Variants in MDN1 observed in about 807,000 individuals in gnomAD.
The protein encoded by MDN1 is midasin.
A neutral mutation model predicts 669.2 loss-of-function variants in MDN1; 266 were observed. The ratio of observed to expected loss-of-function variants is 0.40; its 90% CI spans 0.36 to 0.44. MDN1 has a LOEUF of 0.44. Ranked by LOEUF, MDN1 falls within the 20% of genes least tolerant of loss-of-function variation. MDN1 has a pLI of 1.00. For missense variants in MDN1, 5,940 were observed against 6,754.0 expected, an observed-to-expected ratio of 0.88 and a Z score of 4.22; for synonymous variants, 2,385 against 2,457.1, an observed-to-expected ratio of 0.97 and a Z score of 0.87.
chr6:89,648,472 G>C (rs558996304), intron 97 of MDN1, 143 bp from the exon 98 acceptor site: 4 of 716,006 alleles, frequency 5.6e-6, no homozygotes, highest in South Asian at 5.3e-5. Context: ...GGCTACTATA[G>C]TCACAACAAA....
intron 85 of MDN1, among the ~76,000 whole-genome samples, chr6:89,663,730 C>T (rs1251057257): frequency 2.6e-5 from 4 of 151,502 alleles, no homozygotes; most frequent in African/African-American, 7.3e-5. Context: ...GTCAGGAGAT[C>T]GAGACCATCC....
chr6:89,747,360 C>G lies in MDN1; in HGVS notation c.3873G>C (p.Glu1291Asp), dbSNP rs770374873. Residue 1291 changes from glutamate (E) to aspartate (D), a missense_variant, in exon 27 of 102, where the codon GAG becomes GAC. This residue lies in a region of MDN1 where 2,292 missense variants were observed against 2,638.3 expected (regional missense o/e 0.87). Transcript: ENST00000369393. The stretch of plus-strand genomic sequence containing the variant: ...TGGCTAAATGCTGTAGCCAGTCATA[C>G]TCCTTCTCGGTCGGCTCAGCCAATC... ...RYRLAEPTEKEYDWLQHLAND... is the reference protein window; with the variant it reads ...RYRLAEPTEKDYDWLQHLAND... 3 of 1,614,004 alleles carry G rather than the reference C, an allele frequency of 1.9e-6. No individual in the cohort carries two copies. Among genetic ancestry groups the G allele is most frequent in the Non-Finnish European group, 2.5e-6 (3 of 1,180,022 alleles).
At chr6:89,646,660 T>A in intron 99 of MDN1, 57 bp from the exon 100 acceptor site, 4 of 1,395,026 alleles carry the variant, frequency 2.9e-6, no homozygotes, top group Non-Finnish European at 4.1e-6. Flanking sequence ...CTTCTCATTG[T>A]CAAAGAGACT....
Position 89,650,187 on chromosome 6 carries a change from C to T in MDN1, c.16043G>A (p.Arg5348Gln), listed in dbSNP as rs1401577967. 12 of 1,613,808 alleles carry T rather than the reference C, an allele frequency of 7.4e-6. No homozygotes were observed. In the East Asian group the frequency reaches 1.3e-4, roughly 18 times the overall value. Residue 5348 changes from arginine (R) to glutamine (Q), a missense_variant, in exon 97 of 102, where the codon CGA becomes CAA. This residue lies in a region of MDN1 where 2,280 missense variants were observed against 2,576.3 expected (regional missense o/e 0.88). Transcript: ENST00000369393. ...CCGTATGTTTAGTCGTTTCCCAGTT[C>T]GATAGTCTCCTCTATTTATTCAAAT... ...TQAAKLKGDY[R>Q]TGKRLNIRKV...
chr6:89,725,458 A>T, intron 37 of MDN1, 62 bp from the exon 38 acceptor site: 1 of 1,372,512 alleles, frequency 7.3e-7, no homozygotes, highest in Non-Finnish European at 1.0e-6. Context: ...AACAAAAAGC[A>T]GGGGAATAAT....
chr6:89,740,747 G>T (rs1275536533), intron 31 of MDN1, among the ~76,000 whole-genome samples: 1 of 152,014 alleles, frequency 6.6e-6, no homozygotes, highest in African/African-American at 2.4e-5. Context: ...AATACTATTC[G>T]GGACAAAAAG....
intron 2 of MDN1, among the ~76,000 whole-genome samples, chr6:89,802,453 G>A (rs1385024813): frequency 6.6e-6 from 1 of 152,248 alleles, no homozygotes. Flanking sequence ...GGGAGGTCGA[G>A]GCGGGCAGAT....
Position 89,695,808 on chromosome 6 carries a change from G to A in MDN1, c.9568C>T (p.Pro3190Ser). ...AGCAACTGGCAGAGCAGTTCCTTGG[G>A]CAGCACCTCCTGACCAGCCATGTCC... ...LGDMAGQEVL[P>S]KELLCQLLTS... The change falls in exon 61 of 102, where the codon CCC becomes TCC. Residue 3190 changes from proline (P) to serine (S), a missense_variant. Around this residue, in one of 5 missense-constraint regions of MDN1, gnomAD observed 2,292 missense variants for 2,638.3 expected, o/e 0.87. Transcript: ENST00000369393. The surrounding 1 kb of genome is among the most constrained non-coding windows in gnomAD (Gnocchi z 4.1). The A allele has an allele frequency of 6.2e-7, 1 of 1,613,722 alleles. No homozygotes were observed. Among genetic ancestry groups the A allele is most frequent in the Non-Finnish European group, 8.5e-7 (1 of 1,180,020 alleles).
At position 89,648,044 on chromosome 6, in the gene MDN1, G is replaced by T; in HGVS notation, c.16383C>A (p.Thr5461=). The T allele has an allele frequency of 6.2e-7, 1 of 1,611,478 alleles. No homozygotes were observed. Among genetic ancestry groups the T allele is most frequent in the Non-Finnish European group, 8.5e-7 (1 of 1,177,590 alleles). ...LRLCKFQQKK[T]KIAQFLESVA... ...TTCATCCTCTTACCTGAGCAATCTT[G>T]GTTTTCTTTTGTTGGAATTTGCAGA... is the stretch of plus-strand genomic sequence containing the variant. The change falls in exon 99 of 102, where the codon ACC becomes ACA. Residue 5461 remains threonine, a synonymous_variant. Transcript: ENST00000369393.
chr6:89,653,283 A>G lies in MDN1; in HGVS notation c.15662-128T>C, dbSNP rs978486661. ...CATTCACTCTCCAACACATTTCCAC[A>G]TGTTGATTTCAGAGGTTCTTTCTCT... is the stretch of plus-strand genomic sequence containing the variant. On this transcript the variant is annotated intron_variant, in intron 93 of 101. Coordinates refer to ENST00000369393, the MANE Select transcript of MDN1 (RefSeq NM_014611.3). 13 of 920,000 alleles carry G rather than the reference A, an allele frequency of 1.4e-5. No homozygotes were observed. The African/African-American group carries it at 1.5e-4, about 11-fold the overall frequency. The allele number at this position is 920,000 out of a possible 1,614,324, so 57.0% of individuals were successfully genotyped here.
chr6:89,656,634 C>T lies in MDN1; in HGVS notation c.15285+66G>A, dbSNP rs1809326186. Reference sequence around the variant, plus strand: ...GCTTTTTTTTTTTTTTTTTAAAGCACTACGTTTGGAACATCTTTTTCTACA... The same window carrying T: ...GCTTTTTTTTTTTTTTTTTAAAGCATTACGTTTGGAACATCTTTTTCTACA... On this transcript the variant is annotated intron_variant, in intron 91 of 101. Coordinates refer to ENST00000369393, the MANE Select transcript of MDN1 (RefSeq NM_014611.3). 2.1e-5 allele frequency: 20 copies of T among 936,288 alleles called. No individual in the cohort carries two copies. The South Asian group carries it at 3.3e-4, about 16-fold the overall frequency. The allele number at this position is 936,288 out of a possible 1,614,324, so 58.0% of individuals were successfully genotyped here.
intron 40 of MDN1, among the ~76,000 whole-genome samples, chr6:89,722,614 T>A (rs1257666111): frequency 6.6e-6 from 1 of 152,210 alleles, no homozygotes; most frequent in Non-Finnish European, 1.5e-5. Context: ...TTTGGGAGGC[T>A]GAGACAGGTG....
intron 14 of MDN1, among the ~76,000 whole-genome samples, 189 bp downstream of exon 14, chr6:89,772,384 T>A (rs188646428): frequency 3.1e-4 from 47 of 152,364 alleles, no homozygotes; most frequent in African/African-American, 1.0e-3. Context: ...TGTATTTGCA[T>A]AAGCATAGAT....
At chr6:89,689,750 T>A (rs1451858576) in intron 65 of MDN1, 120 bp downstream of exon 65, 3 of 1,219,446 alleles carry the variant, frequency 2.5e-6, no homozygotes, top group Non-Finnish European at 3.4e-6. Flanking sequence ...CCAAGGAAAC[T>A]CCAATAAGGA....
intron 87 of MDN1, among the ~76,000 whole-genome samples, chr6:89,661,834 T>C (rs1809789650): frequency 6.6e-6 from 1 of 152,100 alleles, no homozygotes; most frequent in African/African-American, 2.4e-5. Context: ...CAAGAAGAAA[T>C]AAACAAGGGA....
chr6:89,649,279 A>G (rs1808693308), intron 97 of MDN1, among the ~76,000 whole-genome samples: 2 of 152,232 alleles, frequency 1.3e-5, no homozygotes, highest in South Asian at 2.1e-4. Flanking sequence ...TTACTATTCT[A>G]TGTGTGCTTG....
chr6:89,748,257 C>CG (rs1816766898), intron 26 of MDN1, among the ~76,000 whole-genome samples: 1 of 151,564 alleles, frequency 6.6e-6, no homozygotes, highest in South Asian at 2.1e-4. Context: ...ACCCGGGAGG[C>CG]GGAGGTTGCA....
In MDN1 at chr6:89,715,642, G is replaced by T; in HGVS notation, c.6860+11C>A. 2 of 1,528,602 alleles carry T rather than the reference G, an allele frequency of 1.3e-6. No homozygotes were observed. The highest frequency in any genetic ancestry group is 1.8e-6 in the Non-Finnish European group (2 of 1,102,160). The allele number at this position is 1,528,602 out of a possible 1,614,324, so 94.7% of individuals were successfully genotyped here. A position where few individuals can be genotyped will look rare whatever the true frequency, so the allele number is the denominator to read the frequency against. ...CAGATTCTGAGGCAGAAATGTAAGA[G>T]ATACAAATACCTGAAATTGGGATTT... On this transcript the variant is annotated intron_variant, in intron 45 of 101. Transcript: ENST00000369393.
chr6:89,725,644 C>T (rs1021135027), intron 37 of MDN1, among the ~76,000 whole-genome samples: 3 of 152,040 alleles, frequency 2.0e-5, no homozygotes, highest in Non-Finnish European at 4.4e-5. Flanking sequence ...AATCACAGCT[C>T]ACTGCAACCT....
Sources: allele counts gnomAD v4.1 joint callset (sites outside exome capture counted in the v4.1 genomes callset), GRCh38; gene constraint gnomAD v4.1.1; regional missense constraint gnomAD v4.1.1; non-coding constraint Gnocchi (gnomAD v3.1); transcripts MANE v1.5; gene names NCBI Gene and HGNC (gene_info 2026-07-23, HGNC 2026-07-21).